INPP4A: variants seen among roughly 807,000 people sequenced by gnomAD.
INPP4A encodes inositol polyphosphate-4-phosphatase type I A, also known as inositol polyphosphate-4-phosphatase, type I, 107kD.
Under a neutral mutation model 119.8 loss-of-function variants are expected in INPP4A, and 33 were observed. The ratio of observed to expected loss-of-function variants is 0.28; its 90% CI spans 0.21 to 0.37. The LOEUF (loss-of-function observed/expected upper bound fraction) is 0.37. Ranked by LOEUF, INPP4A falls within the 10% of genes least tolerant of loss-of-function variation. The pLI, the probability that INPP4A is intolerant of heterozygous loss-of-function variation, is 1.00. For missense variants in INPP4A, 956 were observed against 1,289.9 expected, an observed-to-expected ratio of 0.74 and a Z score of 3.97; for synonymous variants, 496 against 500.7, an observed-to-expected ratio of 0.99 and a Z score of 0.12.
At chr2:98,550,732 G>A (rs927787893) in intron 13 of INPP4A, among the ~76,000 whole-genome samples, 1 of 152,092 alleles carries the variant, frequency 6.6e-6, no homozygotes, top group African/African-American at 2.4e-5. Flanking sequence ...GCCTTTTCTT[G>A]CCCCTGCCAT....
Position 98,546,139 on chromosome 2 carries a change from C to G in INPP4A, c.1054+66C>G. The G allele has an allele frequency of 9.4e-7, 1 of 1,063,784 alleles. No individual in the cohort carries two copies. The highest frequency in any genetic ancestry group is 2.6e-5 in the East Asian group (1 of 38,592). The allele number at this position is 1,063,784 out of a possible 1,614,324, so 65.9% of individuals were successfully genotyped here. On this transcript the variant is annotated intron_variant, in intron 12 of 24. Transcript: ENST00000409851. The surrounding 1 kb of genome is among the most constrained non-coding windows in gnomAD (Gnocchi z 4.2). ...CTGCTTTTCTCTGTGGGTACTTGGT[C>G]CCTGAGTACCCCACATCTGCCCATT...
In INPP4A at chr2:98,532,506, A is replaced by G. The variant is rs781327945; in HGVS notation, c.152-871A>G. ...TCGTGTGTCATTTAATGGTGGGGCT[A>G]CGTTCTGTCAAATGTGTCATTAGGT... On this transcript the variant is annotated intron_variant, in intron 4 of 24. Coordinates refer to ENST00000409851, the MANE Select transcript of INPP4A (RefSeq NM_001134225.2). 3.6e-4 allele frequency among the ~76,000 whole-genome samples: 55 copies of G among 152,184 alleles called. 1 individual carries two copies. The highest frequency in any genetic ancestry group is 6.6e-4 in the Non-Finnish European group (45 of 68,034).
intron 13 of INPP4A, chr2:98,548,941 CT>C (rs1559053628): frequency 1.2e-6 from 2 of 1,607,074 alleles, no homozygotes; most frequent in Admixed American, 1.7e-5. Context: ...CATTTTGGTT[CT>C]TTTCTTTAGC....
At chr2:98,539,039 G>A (rs1010326248) in intron 9 of INPP4A, 58 bp downstream of exon 9, 12 of 998,402 alleles carry the variant, frequency 1.2e-5, no homozygotes, top group South Asian at 4.7e-5. Flanking sequence ...ACTTGGGCCC[G>A]CAGTCCCCTT....
rs763809430 is a variant in INPP4A, at chr2:98,546,260, C to T, written c.1054+187C>T. Reference sequence around the variant, plus strand: ...CCCACACCCCTTCCTTTTGTCTCTCCTCACTCTAGCTTCCCTTTGTATTTC... The same window carrying T: ...CCCACACCCCTTCCTTTTGTCTCTCTTCACTCTAGCTTCCCTTTGTATTTC... On this transcript the variant is annotated intron_variant, in intron 12 of 24. Coordinates refer to ENST00000409851, the MANE Select transcript of INPP4A (RefSeq NM_001134225.2). The surrounding 1 kb of genome is among the most constrained non-coding windows in gnomAD (Gnocchi z 4.2). 5.3e-5 allele frequency among the ~76,000 whole-genome samples: 8 copies of T among 152,222 alleles called. No homozygotes were observed. The highest frequency in any genetic ancestry group is 1.7e-4 in the African/African-American group (7 of 41,462).
At chr2:98,455,048 G>A (rs1695880444) in intron 1 of INPP4A, among the ~76,000 whole-genome samples, 1 of 152,156 alleles carries the variant, frequency 6.6e-6, no homozygotes, top group Non-Finnish European at 1.5e-5. Flanking sequence ...GCCAAGAAAT[G>A]TCAGGATAGG....
At chr2:98,581,566 C>A in intron 24 of INPP4A, 1 of 1,482,396 alleles carries the variant, frequency 6.7e-7, no homozygotes, top group Non-Finnish European at 8.9e-7. Flanking sequence ...AAACTTTTTC[C>A]TTTTCACAGC....
At chr2:98,541,698 C>A (rs1336916388) in intron 10 of INPP4A, among the ~76,000 whole-genome samples, 1 of 152,226 alleles carries the variant, frequency 6.6e-6, no homozygotes, top group Non-Finnish European at 1.5e-5. Flanking sequence ...CATCCTCTTA[C>A]CTCAGCTTCC....
At chr2:98,480,472 T>G (rs1230204311) in intron 1 of INPP4A, among the ~76,000 whole-genome samples, 2 of 152,152 alleles carry the variant, frequency 1.3e-5, no homozygotes, top group African/African-American at 4.8e-5. Context: ...CAGAGCAGCT[T>G]TTTGCTGTAG....
intron 24 of INPP4A, among the ~76,000 whole-genome samples, chr2:98,584,528 C>T (rs933239324): frequency 4.6e-5 from 7 of 152,260 alleles, no homozygotes; most frequent in East Asian, 1.9e-4. Flanking sequence ...GCGGCCAGGC[C>T]GAGGAGCCCC....
Position 98,583,977 on chromosome 2 carries a change from C to T in INPP4A, c.2787-3499C>T, listed in dbSNP as rs566026902. ...TGTGTCACCCCTGTAAGTGAATCCA[C>T]GCTTCTCCAAGTGCAGTGTGTTCAC... is the stretch of plus-strand genomic sequence containing the variant. On this transcript the variant is annotated intron_variant, in intron 24 of 24. Transcript: ENST00000409851. Among the ~76,000 whole-genome samples the T allele has an allele frequency of 1.9e-3, 295 of 152,338 alleles. 1 individual carries two copies. The highest frequency in any genetic ancestry group is 3.5e-3 in the Non-Finnish European group (238 of 68,038).
chr2:98,539,424 G>A, intron 9 of INPP4A, 104 bp from the exon 10 acceptor site: 1 of 1,236,126 alleles, frequency 8.1e-7, no homozygotes. Context: ...AACAGTGAGA[G>A]GACTTGAGGT....
intron 3 of INPP4A, 68 bp downstream of exon 3, chr2:98,520,222 C>A: frequency 8.5e-7 from 1 of 1,172,934 alleles, no homozygotes; most frequent in Non-Finnish European, 1.2e-6. Flanking sequence ...CACACTGCAG[C>A]AGTGCTGGCA....
In INPP4A at chr2:98,546,617, G is replaced by T; in HGVS notation, c.1086G>T (p.Ala362=). 6.2e-7 allele frequency: 1 copy of T among 1,613,694 alleles called. No individual in the cohort carries two copies. Among genetic ancestry groups the T allele is most frequent in the Non-Finnish European group, 8.5e-7 (1 of 1,179,594 alleles). The change falls in exon 13 of 25, where the codon GCG becomes GCT. Residue 362 remains alanine, a synonymous_variant. Transcript: ENST00000409851. The surrounding 1 kb of genome is among the most constrained non-coding windows in gnomAD (Gnocchi z 4.2). ...ACTACGACATCGTCACCATTGGGGC[G>T]CCAGCAGCACACTGCCAAGGTTTTA... ...DQNYDIVTIG[A]PAAHCQGFKS...
chr2:98,452,079 C>T (rs1695328871), intron 1 of INPP4A, among the ~76,000 whole-genome samples: 1 of 152,132 alleles, frequency 6.6e-6, no homozygotes, highest in Non-Finnish European at 1.5e-5. Context: ...CTGAGATGGT[C>T]GTTGGGGGCA....
intron 1 of INPP4A, among the ~76,000 whole-genome samples, chr2:98,466,892 G>A (rs1480498915): frequency 6.6e-6 from 1 of 152,182 alleles, no homozygotes; most frequent in Non-Finnish European, 1.5e-5. Context: ...CCGGGAAAGG[G>A]CCTTTTTCTT....
rs979107174 is a variant in INPP4A at position 98,593,372 on chromosome 2, ACT to A, written c.*5770_*5771del. On this transcript the variant is annotated 3_prime_UTR_variant, in exon 25 of 25. Transcript: ENST00000409851. Reference sequence around the variant, plus strand: ...GCCCTCCCTCGGTGTCTGTGGCCTGACTCTCTCCTGGTGGTCCTACGTCTCTG... The same window carrying A: ...GCCCTCCCTCGGTGTCTGTGGCCTGACTCTCCTGGTGGTCCTACGTCTCTG... The A allele has an allele frequency of 2.0e-5, 3 of 151,678 alleles. No homozygotes were observed. Among genetic ancestry groups the A allele is most frequent in the African/African-American group, 4.9e-5 (2 of 41,106 alleles). 9.4% of individuals were successfully genotyped at this position (151,678 alleles called of 1,614,324 possible).
rs62156356 is a variant in INPP4A at position 98,488,398 on chromosome 2, G to A, written c.-165-30566G>A. Reference sequence around the variant, plus strand: ...ATGGCAGCGGCAGCAAGAACTACCTGAGGATTTCTCTCCATTTGCCAGTTC... The same window carrying A: ...ATGGCAGCGGCAGCAAGAACTACCTAAGGATTTCTCTCCATTTGCCAGTTC... On this transcript the variant is annotated intron_variant, in intron 1 of 24. Coordinates refer to ENST00000409851, the MANE Select transcript of INPP4A (RefSeq NM_001134225.2). Among the ~76,000 whole-genome samples, 5 of 152,310 alleles carry A rather than the reference G, an allele frequency of 3.3e-5. No homozygotes were observed. The South Asian group carries it at 1.0e-3, about 32-fold the overall frequency.
chr2:98,510,923 C>T (rs902851571), intron 1 of INPP4A, among the ~76,000 whole-genome samples: 18 of 152,166 alleles, frequency 1.2e-4, no homozygotes. Flanking sequence ...GACAGTAGGG[C>T]TTGGGAAATG....
Sources: allele counts gnomAD v4.1 joint callset (sites outside exome capture counted in the v4.1 genomes callset), GRCh38; gene constraint gnomAD v4.1.1; non-coding constraint Gnocchi (gnomAD v3.1); transcripts MANE v1.5; gene names NCBI Gene and HGNC (gene_info 2026-07-23, HGNC 2026-07-21).